The following F11 variants were observed in gnomAD, a reference collection of about 807,000 sequenced individuals.
F11 encodes coagualtion factor XI.
A neutral mutation model predicts 76.5 loss-of-function variants in F11; 78 were observed. That is an observed-to-expected ratio of 1.02 (90% CI 0.85 to 1.23). The LOEUF (loss-of-function observed/expected upper bound fraction) is 1.23, where lower values mean the gene tolerates loss of function less well. F11 is among the 50% of genes most tolerant of loss of function. The pLI, the probability that F11 is intolerant of heterozygous loss-of-function variation, is 0.00. For missense variants in F11, 742 were observed against 771.4 expected (o/e 0.96, Z 0.45); for synonymous variants, 278 against 276.3 (o/e 1.01, Z -0.06).
chr4:186,272,455 C>T (rs995636485), intron 3 of F11, among the ~76,000 whole-genome samples: 1 of 152,140 alleles, frequency 6.6e-6, no homozygotes, highest in Non-Finnish European at 1.5e-5. Flanking sequence ...GGTGGTTTGT[C>T]AGGTTTAAAA....
intron 11 of F11, among the ~76,000 whole-genome samples, chr4:186,284,860 G>A (rs1405283823): frequency 3.9e-5 from 6 of 152,138 alleles, no homozygotes; most frequent in Non-Finnish European, 7.4e-5. Context: ...TGAGGTAGGA[G>A]GATTGCTTGA....
At chr4:186,276,582 C>CTTTTTTTTT (rs33965536) in intron 7 of F11, among the ~76,000 whole-genome samples, 192 bp downstream of exon 7, 2 of 75,944 alleles carry the variant, frequency 2.6e-5, no homozygotes, top group Non-Finnish European at 2.5e-5. Context: ...ACCGAGGACT[C>CTTTTTTTTT]TTTTTTTTTT....
chr4:186,280,617 G>C, intron 10 of F11, 37 bp downstream of exon 10: 1 of 1,454,478 alleles, frequency 6.9e-7, no homozygotes, highest in African/African-American at 1.4e-5. Flanking sequence ...ATAGCTGAAG[G>C]AATTATTCCA....
chr4:186,281,872 A>G, intron 10 of F11: 2 of 1,211,678 alleles, frequency 1.7e-6, no homozygotes, highest in Non-Finnish European at 2.2e-6. Flanking sequence ...TGTTTTGTAG[A>G]ACATAAAGAC....
chr4:186,274,087 G>A (rs1048048709), intron 4 of F11, 29 bp from the exon 5 acceptor site: 1 of 1,613,894 alleles, frequency 6.2e-7, no homozygotes, highest in Non-Finnish European at 8.5e-7. Flanking sequence ...AATCTGGAAG[G>A]TACTCATGTC....
Position 186,289,032 on chromosome 4 carries a change from C to CCGGCG in F11, c.*418_*419insCGGCG. ...AAGAAAGGAGAACAAAGACAGTCTTCACCATTTTGCAGGAATCTACACTCT... is the reference window on the plus strand; with the variant it reads ...AAGAAAGGAGAACAAAGACAGTCTTCCGGCGACCATTTTGCAGGAATCTACACTCT... On this transcript the variant is annotated 3_prime_UTR_variant, in exon 15 of 15. Coordinates refer to ENST00000403665, the MANE Select transcript of F11 (RefSeq NM_000128.4). 4.8e-6 allele frequency: 1 copy of CCGGCG among 206,202 alleles called. No individual in the cohort carries two copies. The allele number at this position is 206,202 out of a possible 1,614,324, so 12.8% of individuals were successfully genotyped here.
In F11 at chr4:186,271,767, C is replaced by T. The variant is rs773987040; in HGVS notation, c.214C>T (p.Arg72Ter). ...GGAATCACCATCTGAGGATCCCACC[C>T]GATGGTAAATGCTTATGTTTCTACA... ...TAESPSEDPTRWFTCVLKDSV... is the reference protein window; with the variant it reads ...TAESPSEDPT Residue 72 changes from arginine (R) to a stop codon, truncating the protein, a stop_gained, in exon 3 of 15, where the codon CGA becomes TGA. Coordinates refer to ENST00000403665, the MANE Select transcript of F11 (RefSeq NM_000128.4). LOFTEE classifies it high-confidence loss of function. 3 of 1,614,066 alleles carry T rather than the reference C, an allele frequency of 1.9e-6. No individual in the cohort carries two copies. The South Asian group carries it at 3.3e-5, about 18-fold the overall frequency.
chr4:186,275,316 C>A (rs900636624), intron 5 of F11: 28 of 363,878 alleles, frequency 7.7e-5, no homozygotes, highest in Admixed American at 4.6e-4. Context: ...TATGGTGAAA[C>A]CCCGTCTCTA....
At chr4:186,268,265 G>C (rs1038516944) in intron 2 of F11, among the ~76,000 whole-genome samples, 1 of 152,154 alleles carries the variant, frequency 6.6e-6, no homozygotes, top group Non-Finnish European at 1.5e-5. Context: ...GTAATCTAGA[G>C]ATGATTTAAA....
In F11 at chr4:186,276,230, G is replaced by A. The variant is rs749791730; in HGVS notation, c.596-1G>A. ...CCTGACATAGTTCTTCCGTCGCGCA[G>A]CTTGTATTAGGGACATTTTCCCTAA... On this transcript the variant is annotated splice_acceptor_variant, in intron 6 of 14. Coordinates refer to ENST00000403665, the MANE Select transcript of F11 (RefSeq NM_000128.4). LOFTEE classifies it high-confidence loss of function. 1.2e-6 allele frequency: 2 copies of A among 1,614,104 alleles called. No individual in the cohort carries two copies. Among genetic ancestry groups the A allele is most frequent in the Admixed American group, 1.7e-5 (1 of 60,026 alleles).
chr4:186,272,136 A>C (rs1268678724), intron 3 of F11, among the ~76,000 whole-genome samples: 1 of 152,168 alleles, frequency 6.6e-6, no homozygotes, highest in Non-Finnish European at 1.5e-5. Context: ...TTAGAAAAAA[A>C]TAAAATATTT....
chr4:186,287,196 A>G (rs1483478558), intron 13 of F11, among the ~76,000 whole-genome samples: 1 of 151,654 alleles, frequency 6.6e-6, no homozygotes, highest in Non-Finnish European at 1.5e-5. Context: ...GGATGGTCTC[A>G]ATCTCCTGAC....
intron 7 of F11, among the ~76,000 whole-genome samples, 167 bp from the exon 8 acceptor site, chr4:186,279,845 C>T (rs1740655349): frequency 6.6e-6 from 1 of 152,074 alleles, no homozygotes; most frequent in African/African-American, 2.4e-5. Flanking sequence ...GAGTGTGACT[C>T]CATGGTTTAT....
chr4:186,282,101 A>G lies in F11; in HGVS notation c.1135+1521A>G, dbSNP rs1188864333. On this transcript the variant is annotated intron_variant, in intron 10 of 14. Transcript: ENST00000403665. ...TGTCTTTCTTCTACTTCTAAGCGTT[A>G]GAAGGGACACTTAGCAAATGTTGCT... The G allele has an allele frequency of 3.4e-6, 4 of 1,175,702 alleles. No individual in the cohort carries two copies. In the Admixed American group the frequency reaches 1.0e-4, roughly 30 times the overall value. 72.8% of individuals were successfully genotyped at this position (1,175,702 alleles called of 1,614,324 possible).
intron 7 of F11, among the ~76,000 whole-genome samples, chr4:186,277,928 T>C (rs553562722): frequency 8.5e-5 from 13 of 152,144 alleles, no homozygotes; most frequent in Non-Finnish European, 1.9e-4. Flanking sequence ...TCCTCCCAAG[T>C]TGCTGGGACC....
rs211694396 is a variant in F11, at chr4:186,271,672, C to T, written c.119C>T (p.Thr40Ile). The T allele has an allele frequency of 6.2e-7, 1 of 1,614,166 alleles. No homozygotes were observed. The highest frequency in any genetic ancestry group is 1.3e-5 in the African/African-American group (1 of 75,048). Residue 40 changes from threonine (T) to isoleucine (I), a missense_variant, in exon 3 of 15, where the codon ACA becomes ATA. Thr to Ile is a moderately conservative substitution (Grantham distance 89). Transcript: ENST00000403665. ...FEGGDITTVF[T>I]PSAKYCQVVC... is the part of the protein sequence containing the mutation. ...GGAGGGGACATTACTACGGTCTTCA[C>T]ACCAAGCGCCAAGTACTGCCAGGTA...
chr4:186,275,082 G>A (rs920035555), intron 5 of F11: 3 of 423,554 alleles, frequency 7.1e-6, no homozygotes, highest in African/African-American at 4.1e-5. Flanking sequence ...GACTTGTAAG[G>A]CTTATCTTTA....
chr4:186,275,355 C>T (rs775818572), intron 5 of F11, among the ~76,000 whole-genome samples: 64 of 152,224 alleles, frequency 4.2e-4, no homozygotes, highest in Admixed American at 9.8e-4. Context: ...ATTAGCCAGG[C>T]GCGGTGGTGG....
At position 186,281,946 on chromosome 4, in the gene F11, G is replaced by A. The variant is rs4253851; in HGVS notation, c.1135+1366G>A. ...CTATGCCTTCCTAGAGCTTAGAGGCGCTCCGATGAAAATCTCTGGATGGCT... is the reference window on the plus strand; with the variant it reads ...CTATGCCTTCCTAGAGCTTAGAGGCACTCCGATGAAAATCTCTGGATGGCT... On this transcript the variant is annotated intron_variant, in intron 10 of 14. Transcript: ENST00000403665. The A allele has an allele frequency of 5.6e-4, 711 of 1,280,348 alleles. 1 individual carries two copies. The African/African-American group carries it at 8.6e-3, about 15-fold the overall frequency. 79.3% of individuals were successfully genotyped at this position (1,280,348 alleles called of 1,614,324 possible). A position where few individuals can be genotyped will look rare whatever the true frequency, so the allele number is the denominator to read the frequency against.
Sources: allele counts gnomAD v4.1 joint callset (sites outside exome capture counted in the v4.1 genomes callset), GRCh38; gene constraint gnomAD v4.1.1; transcripts MANE v1.5; gene names NCBI Gene and HGNC (gene_info 2026-07-23, HGNC 2026-07-21).